Variants in CSMD1 observed in about 807,000 individuals in gnomAD.
The protein encoded by CSMD1 is CUB and sushi domain-containing protein 1.
Under a neutral mutation model 417.5 loss-of-function variants are expected in CSMD1, and 213 were observed. The ratio of observed to expected loss-of-function variants is 0.51; its 90% CI spans 0.46 to 0.57. CSMD1 has a LOEUF of 0.57. Ranked by LOEUF, CSMD1 falls within the 20% of genes least tolerant of loss-of-function variation. The pLI is 0.00. For missense variants in CSMD1, 6,923 were observed against 4,529.7 expected, an observed-to-expected ratio of 1.53 and a Z score of -15.17; for synonymous variants, 2,862 against 1,736.8, an observed-to-expected ratio of 1.65 and a Z score of -16.11.
chr8:2,944,669 G>T (rs1277525540), intron 68 of CSMD1, among the ~76,000 whole-genome samples: 1 of 151,918 alleles, frequency 6.6e-6, no homozygotes, highest in Non-Finnish European at 1.5e-5. Flanking sequence ...AACACAGTAT[G>T]TGCTCAATAT....
At chr8:4,656,878 C>G (rs910711838) in intron 1 of CSMD1, among the ~76,000 whole-genome samples, 1 of 152,132 alleles carries the variant, frequency 6.6e-6, no homozygotes, top group Non-Finnish European at 1.5e-5. Flanking sequence ...AGCAGGGGCC[C>G]CCAACATCTT....
intron 2 of CSMD1, among the ~76,000 whole-genome samples, chr8:4,537,672 C>T (rs1797168403): frequency 6.6e-6 from 1 of 152,130 alleles, no homozygotes; most frequent in Non-Finnish European, 1.5e-5. Context: ...TTTCATTCTT[C>T]CTCGAAGACT....
chr8:3,872,467 G>C (rs190417080), intron 5 of CSMD1, among the ~76,000 whole-genome samples: 2 of 152,292 alleles, frequency 1.3e-5, no homozygotes, highest in East Asian at 3.9e-4. Context: ...TGAAAAAGCT[G>C]TGGGACAAGG....
At chr8:4,914,583 G>GAAAAAAAAAAAAAAAAAA (rs59293226) in intron 1 of CSMD1, among the ~76,000 whole-genome samples, 1 of 133,684 alleles carries the variant, frequency 7.5e-6, no homozygotes. Context: ...CTCCCAAAAA[G>GAAAAAAAAAAAAAAAAAA]AAAAAAAAAA....
At chr8:4,518,103 G>A (rs962681174) in intron 2 of CSMD1, among the ~76,000 whole-genome samples, 8 of 152,220 alleles carry the variant, frequency 5.3e-5, no homozygotes, top group Admixed American at 6.5e-5. Flanking sequence ...AATCTAGGGG[G>A]AACATTCTGA....
At chr8:3,469,960 T>C (rs1451589171) in intron 11 of CSMD1, among the ~76,000 whole-genome samples, 1 of 152,182 alleles carries the variant, frequency 6.6e-6, no homozygotes, top group Non-Finnish European at 1.5e-5. Context: ...TGAAGAGAGA[T>C]TTTTTTCTTT....
At chr8:4,771,222 G>A (rs1252882262) in intron 1 of CSMD1, among the ~76,000 whole-genome samples, 1 of 152,212 alleles carries the variant, frequency 6.6e-6, no homozygotes, top group Non-Finnish European at 1.5e-5. Context: ...CAATTTTCAA[G>A]AGGCAGAGCT....
intron 3 of CSMD1, among the ~76,000 whole-genome samples, chr8:4,155,623 T>C (rs1585440355): frequency 6.6e-6 from 1 of 152,218 alleles, no homozygotes; most frequent in Admixed American, 6.5e-5. Flanking sequence ...TGATTTTTTA[T>C]CACTCTTGGT....
chr8:3,895,962 T>C (rs541111066), intron 5 of CSMD1, among the ~76,000 whole-genome samples: 19 of 152,334 alleles, frequency 1.2e-4, no homozygotes, highest in Non-Finnish European at 2.5e-4. Flanking sequence ...TTGTAAAAGA[T>C]AGTCCTGTTA....
intron 3 of CSMD1, among the ~76,000 whole-genome samples, chr8:4,332,924 AT>A (rs527618165): frequency 2.8e-5 from 4 of 143,482 alleles, no homozygotes; most frequent in East Asian, 2.0e-4. Flanking sequence ...TTACTATCAC[AT>A]TTTTTTCTTA....
chr8:3,229,261 TA>T (rs1309029830), intron 27 of CSMD1, among the ~76,000 whole-genome samples: 2 of 152,192 alleles, frequency 1.3e-5, no homozygotes, highest in Admixed American at 1.3e-4. Flanking sequence ...AGACAGATTA[TA>T]AAGAAGTACT....
chr8:4,540,844 G>T (rs11998296), intron 2 of CSMD1, among the ~76,000 whole-genome samples: 1 of 151,908 alleles, frequency 6.6e-6, no homozygotes, highest in African/African-American at 2.4e-5. Context: ...AAAGGTAAAG[G>T]CTCACCCAAA....
chr8:4,415,163 C>T lies in CSMD1; in HGVS notation c.415+4790G>A, dbSNP rs544991162. On this transcript the variant is annotated intron_variant, in intron 3 of 69. Transcript: ENST00000635120. ...ACCCTTCAGATAGGGCAGAAAGGCT[C>T]AGCTCCAGGCTCTCTGAGCTCCAGA... Among the ~76,000 whole-genome samples the T allele has an allele frequency of 8.5e-5, 13 of 152,198 alleles. No individual in the cohort carries two copies. In the South Asian group the frequency reaches 2.7e-3, roughly 32 times the overall value.
chr8:4,889,340 T>G (rs1325904453), intron 1 of CSMD1, among the ~76,000 whole-genome samples: 3 of 152,088 alleles, frequency 2.0e-5, no homozygotes, highest in Non-Finnish European at 2.9e-5. Flanking sequence ...GAATCAAGTT[T>G]TCTACAAATG....
At chr8:3,355,590 A>T (rs997162592) in intron 21 of CSMD1, among the ~76,000 whole-genome samples, 3 of 152,128 alleles carry the variant, frequency 2.0e-5, no homozygotes, top group African/African-American at 7.2e-5. Flanking sequence ...AGCTGTTTCC[A>T]CAGAACTGCA....
intron 3 of CSMD1, among the ~76,000 whole-genome samples, chr8:4,032,922 C>T (rs897205217): frequency 1.1e-4 from 16 of 152,112 alleles, no homozygotes; most frequent in African/African-American, 3.9e-4. Context: ...ATTATACTCT[C>T]TTCCCTGTTG....
chr8:3,036,958 T>C (rs911692136), intron 50 of CSMD1, among the ~76,000 whole-genome samples: 2 of 152,166 alleles, frequency 1.3e-5, no homozygotes, highest in Non-Finnish European at 2.9e-5. Context: ...TAGTCTTTTA[T>C]CCCTCACCCA....
rs553980075 is a variant in CSMD1 at position 3,989,021 on chromosome 8, A to G, written c.818+8882T>C. Among the ~76,000 whole-genome samples the G allele has an allele frequency of 5.3e-5, 8 of 152,342 alleles. No individual in the cohort carries two copies. In the South Asian group the frequency reaches 1.7e-3, roughly 32 times the overall value. On this transcript the variant is annotated intron_variant, in intron 5 of 69. Transcript: ENST00000635120. ...AGGTAAAAACCATTGTTCAAAACAC[A>G]TTCTATTTCAAAAAGTTTTTCTTTT... is the stretch of plus-strand genomic sequence containing the variant.
At chr8:4,908,234 T>C (rs1805430245) in intron 1 of CSMD1, among the ~76,000 whole-genome samples, 3 of 152,210 alleles carry the variant, frequency 2.0e-5, no homozygotes, top group Admixed American at 2.0e-4. Context: ...GCAGTGTTTA[T>C]ACTTGCTATT....
Sources: allele counts gnomAD v4.1 joint callset (sites outside exome capture counted in the v4.1 genomes callset), GRCh38; gene constraint gnomAD v4.1.1; transcripts MANE v1.5; gene names NCBI Gene and HGNC (gene_info 2026-07-23, HGNC 2026-07-21).